WDFY4: variants seen among roughly 807,000 people sequenced by gnomAD.
The protein encoded by WDFY4 is WDFY family member 4.
In WDFY4, 169 loss-of-function variants were observed where a neutral mutation model predicts 351.9. The ratio of observed to expected loss-of-function variants is 0.48; its 90% confidence interval spans 0.42 to 0.55. The LOEUF (loss-of-function observed/expected upper bound fraction) is 0.55. Ranked by LOEUF, WDFY4 falls within the 20% of genes least tolerant of loss-of-function variation. The probability of loss-of-function intolerance (pLI) is 0.00; values close to 1 mark genes in which losing one functional copy is unlikely to be tolerated. For missense variants in WDFY4, 3,803 were observed against 3,935.6 expected (o/e 0.97, Z 0.90); for synonymous variants, 1,622 against 1,574.6 (o/e 1.03, Z -0.71).
At chr10:48,788,094 C>G (rs2066554376) in intron 20 of WDFY4, among the ~76,000 whole-genome samples, 1 of 151,414 alleles carries the variant, frequency 6.6e-6, no homozygotes, top group Non-Finnish European at 1.5e-5. Flanking sequence ...ATGTCATGAT[C>G]TGGGCCCACT....
intron 47 of WDFY4, among the ~76,000 whole-genome samples, chr10:48,910,580 C>T (rs1419666698): frequency 6.6e-6 from 1 of 152,176 alleles, no homozygotes; most frequent in African/African-American, 2.4e-5. Flanking sequence ...TCTCTATCTC[C>T]AGTCTGCTTC....
intron 51 of WDFY4, 56 bp downstream of exon 51, chr10:48,947,025 C>CACACA: frequency 2.3e-6 from 3 of 1,303,262 alleles, no homozygotes; most frequent in Non-Finnish European, 3.2e-6. Context: ...CACACATACG[C>CACACA]CTGTATCACA....
chr10:48,933,996 C>T (rs1260067027), intron 47 of WDFY4, among the ~76,000 whole-genome samples: 2 of 152,104 alleles, frequency 1.3e-5, no homozygotes, highest in African/African-American at 2.4e-5. Context: ...GGCTCAGGGG[C>T]CCTGCAGGGT....
intron 17 of WDFY4, 124 bp downstream of exon 17, chr10:48,777,619 C>T: frequency 1.0e-6 from 1 of 970,628 alleles, no homozygotes. Flanking sequence ...GGCATGGTGG[C>T]TCACACCTGT....
rs527787561 is a variant in WDFY4, at chr10:48,972,057, G to A, written c.8928+1768G>A. On this transcript the variant is annotated intron_variant, in intron 57 of 61. Transcript: ENST00000325239. ...AAATGCACAGAAACACCCTCGTATCGACCTCATAAAAATGTAATTTATCAT... is the reference window on the plus strand; with the variant it reads ...AAATGCACAGAAACACCCTCGTATCAACCTCATAAAAATGTAATTTATCAT... 5.9e-5 allele frequency among the ~76,000 whole-genome samples: 9 copies of A among 152,182 alleles called. No homozygotes were observed. In the South Asian group the frequency reaches 1.7e-3, roughly 28 times the overall value.
chr10:48,738,214 G>T (rs1473714215), intron 11 of WDFY4, among the ~76,000 whole-genome samples: 1 of 152,162 alleles, frequency 6.6e-6, no homozygotes, highest in Admixed American at 6.5e-5. Flanking sequence ...AAGTATTTTT[G>T]TGTCCAATGT....
intron 43 of WDFY4, among the ~76,000 whole-genome samples, chr10:48,880,577 G>A (rs936613484): frequency 2.0e-5 from 3 of 152,212 alleles, no homozygotes; most frequent in Admixed American, 6.5e-5. Flanking sequence ...CCCGGTGGGC[G>A]GTCGGGAGGG....
chr10:48,838,648 A>G (rs1275229721), intron 39 of WDFY4, among the ~76,000 whole-genome samples: 2 of 152,170 alleles, frequency 1.3e-5, no homozygotes, highest in Admixed American at 1.3e-4. Flanking sequence ...TCTATCCATC[A>G]CTTGACTTCA....
intron 12 of WDFY4, among the ~76,000 whole-genome samples, chr10:48,746,320 C>A (rs2065014221): frequency 6.6e-6 from 1 of 152,134 alleles, no homozygotes; most frequent in African/African-American, 2.4e-5. Context: ...ATATGGTGAA[C>A]TTTTTATCCC....
chr10:48,918,656 A>G (rs1362458154), intron 47 of WDFY4, among the ~76,000 whole-genome samples: 2 of 152,240 alleles, frequency 1.3e-5, no homozygotes, highest in Non-Finnish European at 2.9e-5. Flanking sequence ...TCAGCAGTCA[A>G]TAGAACAGGT....
intron 51 of WDFY4, among the ~76,000 whole-genome samples, chr10:48,956,651 T>C (rs557397743): frequency 6.6e-6 from 1 of 152,328 alleles, no homozygotes; most frequent in South Asian, 2.1e-4. Context: ...AAACTTTTGC[T>C]GACCTCCCAC....
chr10:48,917,433 G>T (rs1838651819), intron 47 of WDFY4, among the ~76,000 whole-genome samples: 1 of 152,138 alleles, frequency 6.6e-6, no homozygotes, highest in African/African-American at 2.4e-5. Flanking sequence ...GATAAATAAA[G>T]AAATTCACAC....
intron 39 of WDFY4, among the ~76,000 whole-genome samples, chr10:48,833,521 A>G (rs368940747): frequency 3.5e-4 from 53 of 152,330 alleles, no homozygotes; most frequent in African/African-American, 1.3e-3. Flanking sequence ...ACCTCCATCA[A>G]GATGGGGAAA....
chr10:48,781,152 A>G (rs112063880), intron 19 of WDFY4, among the ~76,000 whole-genome samples: 6 of 152,180 alleles, frequency 3.9e-5, no homozygotes, highest in East Asian at 1.9e-4. Flanking sequence ...TGTGGGACAC[A>G]TATAGGTGAA....
intron 55 of WDFY4, chr10:48,966,937 A>G: frequency 2.1e-6 from 1 of 468,872 alleles, no homozygotes; most frequent in Non-Finnish European, 3.8e-6. Flanking sequence ...ACACACACAG[A>G]CACCTCTTTC....
chr10:48,886,153 T>C (rs1030136476), intron 43 of WDFY4, among the ~76,000 whole-genome samples: 4 of 152,194 alleles, frequency 2.6e-5, no homozygotes, highest in Admixed American at 2.6e-4. Flanking sequence ...TTCAGTCACC[T>C]CTCTGGACCT....
At chr10:48,795,881 G>A (rs909753672) in intron 23 of WDFY4, among the ~76,000 whole-genome samples, 1 of 152,112 alleles carries the variant, frequency 6.6e-6, no homozygotes, top group Non-Finnish European at 1.5e-5. Context: ...GCTTCATGTT[G>A]CTGGCTTCCC....
chr10:48,797,271 G>C (rs1011476405), intron 24 of WDFY4, among the ~76,000 whole-genome samples: 37 of 152,198 alleles, frequency 2.4e-4, no homozygotes, highest in African/African-American at 8.7e-4. Context: ...GAGCAGGAGA[G>C]AGAGAAGGCA....
Position 48,761,211 on chromosome 10 carries a change from G to A in WDFY4, c.2553+771G>A, listed in dbSNP as rs144112049. ...GAGGAGCAAATTGGAAGGGCCAGGAGCAAGGGCTCCCTGGTCAGGCGATGA... is the reference window on the plus strand; with the variant it reads ...GAGGAGCAAATTGGAAGGGCCAGGAACAAGGGCTCCCTGGTCAGGCGATGA... On this transcript the variant is annotated intron_variant, in intron 13 of 61. Transcript: ENST00000325239. 5.4e-3 allele frequency among the ~76,000 whole-genome samples: 819 copies of A among 152,304 alleles called. 4 individuals are homozygous for A. The highest frequency in any genetic ancestry group is 7.2e-3 in the Non-Finnish European group (492 of 68,034).
Sources: allele counts gnomAD v4.1 joint callset (sites outside exome capture counted in the v4.1 genomes callset), GRCh38; gene constraint gnomAD v4.1.1; transcripts MANE v1.5; gene names NCBI Gene and HGNC (gene_info 2026-07-23, HGNC 2026-07-21).